PDE10A: variants seen among roughly 807,000 people sequenced by gnomAD.
PDE10A encodes cAMP and cAMP-inhibited cGMP 3',5'-cyclic phosphodiesterase 10A.
PDE10A carries 39 observed loss-of-function variants against 97.7 expected under a neutral mutation model. The ratio of observed to expected loss-of-function variants is 0.40; its 90% CI spans 0.31 to 0.52. PDE10A has a LOEUF of 0.52. Among genes scored for constraint, PDE10A ranks in the 20% least tolerant of loss-of-function variants. PDE10A has a pLI of 0.56. For synonymous variants in PDE10A, 371 were observed against 376.8 expected, an observed-to-expected ratio of 0.98 and a Z score of 0.18; for missense variants, 731 against 1,047.8, an observed-to-expected ratio of 0.70 and a Z score of 4.17.
intron 3 of PDE10A, among the ~76,000 whole-genome samples, chr6:165,459,016 C>T (rs901700058): frequency 3.9e-5 from 6 of 152,046 alleles, no homozygotes; most frequent in Admixed American, 3.9e-4. Context: ...TCCCTCAGCC[C>T]GTCTTGTGTT....
At chr6:165,619,873 G>A (rs1788041279) in intron 1 of PDE10A, among the ~76,000 whole-genome samples, 2 of 152,046 alleles carry the variant, frequency 1.3e-5, no homozygotes, top group Admixed American at 6.5e-5. Context: ...GCTTCCACTT[G>A]CTGCCATTTA....
intron 13 of PDE10A, among the ~76,000 whole-genome samples, chr6:165,404,587 C>T (rs1007063186): frequency 4.0e-5 from 6 of 151,790 alleles, no homozygotes; most frequent in African/African-American, 1.5e-4. Flanking sequence ...ACATGGAAAA[C>T]ATTACATATA....
At chr6:165,746,527 A>G (rs927391460) in intron 1 of PDE10A, among the ~76,000 whole-genome samples, 4 of 152,214 alleles carry the variant, frequency 2.6e-5, no homozygotes, top group Non-Finnish European at 4.4e-5. Flanking sequence ...CAGAGATACA[A>G]ATACCCATTC....
intron 1 of PDE10A, among the ~76,000 whole-genome samples, chr6:165,786,849 G>T (rs1778511096): frequency 6.6e-6 from 1 of 152,078 alleles, no homozygotes; most frequent in African/African-American, 2.4e-5. Context: ...AATATTTTTT[G>T]ATATGTACTA....
At chr6:165,413,320 A>AT (rs1788041204) in intron 13 of PDE10A, among the ~76,000 whole-genome samples, 181 bp downstream of exon 13, 1 of 151,348 alleles carries the variant, frequency 6.6e-6, no homozygotes, top group South Asian at 2.1e-4. Context: ...GGAGACTGTT[A>AT]TTTTTCCTTC....
chr6:165,538,033 T>C (rs1212258354), intron 2 of PDE10A, among the ~76,000 whole-genome samples: 1 of 152,078 alleles, frequency 6.6e-6, no homozygotes, highest in Non-Finnish European at 1.5e-5. Flanking sequence ...TTCTTCCGTA[T>C]ATATACTAGC....
chr6:165,610,326 G>A (rs1383352742), intron 1 of PDE10A, among the ~76,000 whole-genome samples: 5 of 152,046 alleles, frequency 3.3e-5, no homozygotes, highest in South Asian at 2.1e-4. Context: ...GGCGGATCAC[G>A]AGGTCAGGAG....
chr6:165,640,047 GC>G (rs1789058334), intron 1 of PDE10A, among the ~76,000 whole-genome samples: 1 of 149,060 alleles, frequency 6.7e-6, no homozygotes, highest in Admixed American at 6.8e-5. Context: ...TCAAGCCTGG[GC>G]CATGGAGCAA....
At chr6:165,896,741 G>T (rs938993929) in intron 1 of PDE10A, among the ~76,000 whole-genome samples, 8 of 151,964 alleles carry the variant, frequency 5.3e-5, no homozygotes, top group Non-Finnish European at 1.0e-4. Context: ...AGCCAGGATG[G>T]TCTCGACCTC....
intron 1 of PDE10A, among the ~76,000 whole-genome samples, chr6:165,651,734 CTTTT>C (rs1378768477): frequency 6.6e-6 from 1 of 151,878 alleles, no homozygotes; most frequent in Non-Finnish European, 1.5e-5. Flanking sequence ...CATTTTTTTT[CTTTT>C]TATGATTTCC....
intron 1 of PDE10A, among the ~76,000 whole-genome samples, chr6:165,721,136 G>T (rs571891283): frequency 6.6e-6 from 1 of 152,196 alleles, no homozygotes; most frequent in Non-Finnish European, 1.5e-5. Flanking sequence ...TCCGGTTGTG[G>T]TATTCAAAAG....
chr6:165,447,199 A>G (rs1364814705), intron 5 of PDE10A, among the ~76,000 whole-genome samples: 2 of 152,206 alleles, frequency 1.3e-5, no homozygotes, highest in African/African-American at 4.8e-5. Context: ...CGTCCACTGT[A>G]GCCATAGGGT....
chr6:165,578,866 A>C (rs1340531917), intron 1 of PDE10A, among the ~76,000 whole-genome samples: 1 of 152,218 alleles, frequency 6.6e-6, no homozygotes, highest in African/African-American at 2.4e-5. Context: ...GCTACACATC[A>C]GTGGGATAAG....
intron 1 of PDE10A, among the ~76,000 whole-genome samples, chr6:165,679,610 G>A (rs535231869): frequency 6.6e-6 from 1 of 152,320 alleles, no homozygotes; most frequent in Non-Finnish European, 1.5e-5. Flanking sequence ...GTCCCCTTCA[G>A]GTCAAAGGCT....
Position 165,388,217 on chromosome 6 carries a change from T to A in PDE10A, c.2610+81A>T. 7.9e-7 allele frequency: 1 copy of A among 1,260,916 alleles called. No homozygotes were observed. Among genetic ancestry groups the A allele is most frequent in the Non-Finnish European group, 1.1e-6 (1 of 881,546 alleles). 78.1% of individuals were successfully genotyped at this position (1,260,916 alleles called of 1,614,324 possible). A position where few individuals can be genotyped will look rare whatever the true frequency, so the allele number is the denominator to read the frequency against. ...GTTGCTTTTAAGGAAGCCATAATGA[T>A]CTTCCTTTTCCACCTATGAAGTATC... On this transcript the variant is annotated intron_variant, in intron 17 of 21. Coordinates refer to ENST00000539869, the MANE Select transcript of PDE10A (RefSeq NM_001385079.1). The surrounding 1 kb of genome is among the most constrained non-coding windows in gnomAD (Gnocchi z 4.0).
intron 1 of PDE10A, among the ~76,000 whole-genome samples, chr6:165,749,489 A>G (rs1373704782): frequency 6.6e-6 from 1 of 152,192 alleles, no homozygotes; most frequent in African/African-American, 2.4e-5. Flanking sequence ...CACCATCATC[A>G]CCATCACCAC....
At chr6:165,898,369 C>T (rs760979460) in intron 1 of PDE10A, among the ~76,000 whole-genome samples, 1 of 152,110 alleles carries the variant, frequency 6.6e-6, no homozygotes, top group African/African-American at 2.4e-5. Flanking sequence ...AGCACAGCCT[C>T]GGGTCATGGT....
chr6:165,482,268 T>C (rs1467002293), intron 3 of PDE10A, 47 bp downstream of exon 3: 2 of 1,281,350 alleles, frequency 1.6e-6, no homozygotes, highest in African/African-American at 1.5e-5. Context: ...ACAAAACAGA[T>C]TCATTTCCTA....
intron 1 of PDE10A, among the ~76,000 whole-genome samples, chr6:165,573,070 T>C (rs1785124714): frequency 6.6e-6 from 1 of 152,210 alleles, no homozygotes; most frequent in African/African-American, 2.4e-5. Context: ...CTATTTAGAT[T>C]TTCAGGTCTT....
Sources: gnomAD v4.1 joint callset for allele counts (sites outside exome capture counted in the v4.1 genomes callset) on GRCh38, gnomAD v4.1.1 for gene constraint, Gnocchi (gnomAD v3.1) non-coding constraint, MANE v1.5 for transcripts, NCBI Gene and HGNC (gene_info 2026-07-23, HGNC 2026-07-21) for gene names.